WSCD2: variants seen among roughly 807,000 people sequenced by gnomAD.
The protein encoded by WSCD2 is WSC domain sialate O sulfotransferase 2, also known as sialate:O-sulfotransferase 2.
Under a neutral mutation model 55.7 loss-of-function variants are expected in WSCD2, and 28 were observed. That is an observed-to-expected ratio of 0.50 (90% CI 0.37 to 0.69). WSCD2 has a LOEUF of 0.69. WSCD2 is among the 30% of genes least tolerant of loss of function. WSCD2 has a pLI of 0.00. For synonymous variants in WSCD2, 301 were observed against 301.9 expected, an observed-to-expected ratio of 1.00 and a Z score of 0.03; for missense variants, 616 against 762.1, an observed-to-expected ratio of 0.81 and a Z score of 2.26.
At chr12:108,233,608 CT>C (rs1001135049) in intron 7 of WSCD2, among the ~76,000 whole-genome samples, 4 of 152,180 alleles carry the variant, frequency 2.6e-5, no homozygotes, top group African/African-American at 9.7e-5. Flanking sequence ...GAAATGAAAA[CT>C]GAGGCTTGGA....
chr12:108,235,422 C>T (rs1226202235), intron 7 of WSCD2, among the ~76,000 whole-genome samples: 4 of 152,102 alleles, frequency 2.6e-5, no homozygotes, highest in East Asian at 1.9e-4. Context: ...CTGTCAGGAG[C>T]GGGCCCAGGC....
chr12:108,149,861 A>G (rs1180387699), intron 1 of WSCD2: 2 of 152,124 alleles, frequency 1.3e-5, no homozygotes, highest in African/African-American at 4.8e-5. Flanking sequence ...TCTTCTCAGG[A>G]CATCACGTAC....
At chr12:108,158,517 C>T (rs972752930) in intron 1 of WSCD2, among the ~76,000 whole-genome samples, 2 of 152,060 alleles carry the variant, frequency 1.3e-5, no homozygotes, top group African/African-American at 4.8e-5. Context: ...TGGGGAGTGG[C>T]CAAAACAGCC....
chr12:108,236,777 G>A (rs1163613966), intron 7 of WSCD2, among the ~76,000 whole-genome samples: 1 of 151,590 alleles, frequency 6.6e-6, no homozygotes. Context: ...CCTTCTCCCC[G>A]ACTTTGTCTC....
At chr12:108,212,028 A>G (rs145649471) in intron 4 of WSCD2, among the ~76,000 whole-genome samples, 4 of 152,156 alleles carry the variant, frequency 2.6e-5, no homozygotes, top group Admixed American at 2.0e-4. Context: ...CATGCGGTCA[A>G]TTTGCAAACT....
intron 4 of WSCD2, among the ~76,000 whole-genome samples, chr12:108,219,627 G>A (rs1448649984): frequency 6.6e-6 from 1 of 152,108 alleles, no homozygotes. Context: ...CACTTCTTCA[G>A]ACACGACTGT....
At chr12:108,147,766 C>T (rs945726223) in intron 1 of WSCD2, among the ~76,000 whole-genome samples, 1 of 151,828 alleles carries the variant, frequency 6.6e-6, no homozygotes, top group Admixed American at 6.6e-5. Context: ...GTAGTCCCAG[C>T]TTCTTGGGGA....
chr12:108,236,120 T>C lies in WSCD2; in HGVS notation c.1144+3225T>C, dbSNP rs1889243390. Among the ~76,000 whole-genome samples the C allele has an allele frequency of 3.9e-5, 6 of 152,352 alleles. No homozygotes were observed. The South Asian group carries it at 1.2e-3, about 32-fold the overall frequency. On this transcript the variant is annotated intron_variant, in intron 7 of 8. Transcript: ENST00000547525. ...ACGTGCTATCATCTGTACAATGAGC[T>C]GATCCCCTGGCAACTCTTGCTGATT...
Position 108,210,738 on chromosome 12 carries a change from C to T in WSCD2, c.682+433C>T, listed in dbSNP as rs559584855. Among the ~76,000 whole-genome samples the T allele has an allele frequency of 1.3e-5, 2 of 152,342 alleles. No individual in the cohort carries two copies. Among genetic ancestry groups the T allele is most frequent in the East Asian group, 3.9e-4 (2 of 5,192 alleles). On this transcript the variant is annotated intron_variant, in intron 4 of 8. Coordinates refer to ENST00000547525, the MANE Select transcript of WSCD2 (RefSeq NM_014653.4). The surrounding 1 kb of genome is among the most constrained non-coding windows in gnomAD (Gnocchi z 4.3). ...ATCTAATCTTCACAATGACCCTTGA[C>T]ATAGGTACTATTATTTACTTATTCC...
intron 7 of WSCD2, among the ~76,000 whole-genome samples, chr12:108,233,929 T>C (rs1889035122): frequency 6.6e-6 from 1 of 152,186 alleles, no homozygotes; most frequent in Admixed American, 6.5e-5. Context: ...GAAGACCACT[T>C]CCTGGCTGTG....
intron 4 of WSCD2, among the ~76,000 whole-genome samples, chr12:108,211,582 G>A (rs2137107674): frequency 6.6e-6 from 1 of 150,590 alleles, no homozygotes; most frequent in African/African-American, 2.5e-5. Flanking sequence ...ATCGTTTATA[G>A]AAACTCATTG....
intron 1 of WSCD2, among the ~76,000 whole-genome samples, chr12:108,179,871 C>A (rs1881443568): frequency 1.3e-5 from 2 of 152,160 alleles, no homozygotes; most frequent in South Asian, 4.1e-4. Flanking sequence ...AGAAATTATG[C>A]ATTTCAAATA....
intron 1 of WSCD2, among the ~76,000 whole-genome samples, chr12:108,143,701 C>T (rs970430717): frequency 6.6e-6 from 1 of 152,132 alleles, no homozygotes; most frequent in African/African-American, 2.4e-5. Context: ...GTATCCAGGG[C>T]GATGGGAGGC....
intron 2 of WSCD2, among the ~76,000 whole-genome samples, chr12:108,196,740 G>C (rs1592993951): frequency 6.6e-6 from 1 of 152,178 alleles, no homozygotes; most frequent in African/African-American, 2.4e-5. Context: ...CATCTTGCTG[G>C]GTCCCTTGGT....
intron 5 of WSCD2, 122 bp from the exon 6 acceptor site, chr12:108,226,868 A>G (rs1888152377): frequency 4.0e-6 from 5 of 1,242,240 alleles, no homozygotes; most frequent in Admixed American, 2.7e-5. Flanking sequence ...GGGACCCTCA[A>G]GTTAAGGGAG....
chr12:108,234,338 CT>C (rs1889081116), intron 7 of WSCD2, among the ~76,000 whole-genome samples: 1 of 152,124 alleles, frequency 6.6e-6, no homozygotes, highest in African/African-American at 2.4e-5. Context: ...GGGGGCATGT[CT>C]TTCTCAGGGT....
intron 1 of WSCD2, among the ~76,000 whole-genome samples, chr12:108,173,265 C>A (rs1364439522): frequency 1.3e-5 from 2 of 152,200 alleles, no homozygotes; most frequent in Non-Finnish European, 2.9e-5. Context: ...CTCCCACCAG[C>A]CACCAGCCTG....
At chr12:108,211,629 CCA>C (rs1565969934) in intron 4 of WSCD2, among the ~76,000 whole-genome samples, 1 of 54,886 alleles carries the variant, frequency 1.8e-5, no homozygotes, top group African/African-American at 5.2e-5. Flanking sequence ...GTTTCAAATC[CCA>C]TATATATATA....
At chr12:108,167,785 T>C (rs1286135519) in intron 1 of WSCD2, among the ~76,000 whole-genome samples, 1 of 152,228 alleles carries the variant, frequency 6.6e-6, no homozygotes, top group Non-Finnish European at 1.5e-5. Context: ...GAATACCTGC[T>C]TGTTTCTGAA....
Sources: gnomAD v4.1 joint callset for allele counts (sites outside exome capture counted in the v4.1 genomes callset) on GRCh38, gnomAD v4.1.1 for gene constraint, Gnocchi (gnomAD v3.1) non-coding constraint, MANE v1.5 for transcripts, NCBI Gene and HGNC (gene_info 2026-07-23, HGNC 2026-07-21) for gene names.